NRG1: variants seen among roughly 807,000 people sequenced by gnomAD.
NRG1 encodes the protein neuregulin 1, also known as pro-neuregulin-1, membrane-bound isoform.
NRG1 carries 18 observed loss-of-function variants against 63.8 expected under a neutral mutation model. The ratio of observed to expected loss-of-function variants is 0.28; its 90% CI spans 0.19 to 0.42. The LOEUF is 0.42. Among genes scored for constraint, NRG1 ranks in the 10% least tolerant of loss-of-function variants. The probability of loss-of-function intolerance (pLI) is 1.00; values close to 1 mark genes in which losing one functional copy is unlikely to be tolerated. For missense variants in NRG1, 762 were observed against 814.7 expected, an observed-to-expected ratio of 0.94 and a Z score of 0.79; for synonymous variants, 302 against 301.3, an observed-to-expected ratio of 1.00 and a Z score of -0.02.
chr8:32,620,494 T>C (rs988789550), intron 5 of NRG1, among the ~76,000 whole-genome samples: 10 of 148,736 alleles, frequency 6.7e-5, no homozygotes, highest in Non-Finnish European at 1.5e-4. Context: ...TTCCCTTTTT[T>C]CCTCTTTAAC....
intron 1 of NRG1, among the ~76,000 whole-genome samples, chr8:32,371,255 C>G (rs1236662801): frequency 1.3e-5 from 2 of 152,152 alleles, no homozygotes; most frequent in African/African-American, 2.4e-5. Flanking sequence ...CTTTGTGGAA[C>G]AGGGAGATTA....
chr8:32,583,477 C>T (rs1227329301), intron 1 of NRG1, among the ~76,000 whole-genome samples: 2 of 152,082 alleles, frequency 1.3e-5, no homozygotes, highest in Non-Finnish European at 2.9e-5. Flanking sequence ...AATTCATGGA[C>T]TTATAAACTA....
chr8:32,573,432 A>G (rs1490666963), intron 1 of NRG1, among the ~76,000 whole-genome samples: 1 of 152,162 alleles, frequency 6.6e-6, no homozygotes, highest in Admixed American at 6.5e-5. Context: ...TATTTTGCTG[A>G]CCTCTGCTCT....
At chr8:32,064,979 G>T (rs1283650915) in intron 1 of NRG1, among the ~76,000 whole-genome samples, 1 of 152,094 alleles carries the variant, frequency 6.6e-6, no homozygotes, top group Non-Finnish European at 1.5e-5. Flanking sequence ...TAAACTTGAA[G>T]AAACCAATTA....
intron 1 of NRG1, among the ~76,000 whole-genome samples, chr8:32,472,360 G>A (rs1425828285): frequency 1.3e-5 from 2 of 152,152 alleles, no homozygotes; most frequent in East Asian, 3.9e-4. Context: ...AGTAGAGACA[G>A]GGTTTCAACA....
chr8:32,217,314 G>A (rs944848868), intron 1 of NRG1, among the ~76,000 whole-genome samples: 3 of 151,434 alleles, frequency 2.0e-5, no homozygotes, highest in Non-Finnish European at 4.4e-5. Context: ...AAAAGGGAGA[G>A]GTAAAAGCTC....
At chr8:32,486,464 A>G (rs1825918018) in intron 1 of NRG1, among the ~76,000 whole-genome samples, 1 of 152,142 alleles carries the variant, frequency 6.6e-6, no homozygotes, top group Non-Finnish European at 1.5e-5. Flanking sequence ...AGCCTTTGAT[A>G]ATAGAATATA....
intron 5 of NRG1, among the ~76,000 whole-genome samples, chr8:32,663,420 T>G (rs1490092012): frequency 6.6e-6 from 1 of 152,170 alleles, no homozygotes; most frequent in Non-Finnish European, 1.5e-5. Flanking sequence ...CATGTACAGA[T>G]GCTTCACATA....
chr8:31,927,804 G>A (rs1834508409), intron 1 of NRG1, among the ~76,000 whole-genome samples: 1 of 150,864 alleles, frequency 6.6e-6, no homozygotes, highest in African/African-American at 2.4e-5. Flanking sequence ...TTCAACCAAA[G>A]TTGAGGAATT....
intron 1 of NRG1, among the ~76,000 whole-genome samples, chr8:32,587,594 A>G (rs1841841878): frequency 6.6e-6 from 1 of 152,146 alleles, no homozygotes; most frequent in Admixed American, 6.6e-5. Flanking sequence ...GAGAAGATAG[A>G]TGGGGCCTCT....
At position 32,364,636 on chromosome 8, in the gene NRG1, T is replaced by C. The variant is rs956286337; in HGVS notation, c.38-231192T>C. On this transcript the variant is annotated intron_variant, in intron 1 of 10. Coordinates refer to the NRG1 transcript ENST00000519301. The stretch of plus-strand genomic sequence containing the variant: ...CAAATAATAATGTGATAAACATCCT[T>C]GTACTTGTGAGATTTCTTTTCCTAT... Among the ~76,000 whole-genome samples the C allele has an allele frequency of 2.0e-5, 3 of 152,316 alleles. No homozygotes were observed. In the East Asian group the frequency reaches 5.8e-4, roughly 29 times the overall value.
intron 1 of NRG1, among the ~76,000 whole-genome samples, chr8:32,328,379 GAAT>G (rs1802256647): frequency 6.6e-6 from 1 of 151,138 alleles, no homozygotes; most frequent in African/African-American, 2.4e-5. Context: ...CATTTAAAAA[GAAT>G]AATAGTATAA....
intron 5 of NRG1, among the ~76,000 whole-genome samples, chr8:32,628,739 T>A: frequency 6.6e-6 from 1 of 151,604 alleles, no homozygotes; most frequent in East Asian, 1.9e-4. Context: ...TGCCCTTTTT[T>A]TTTTTTTTTT....
At chr8:32,720,258 T>A (rs904652116) in intron 5 of NRG1, among the ~76,000 whole-genome samples, 1 of 152,168 alleles carries the variant, frequency 6.6e-6, no homozygotes, top group African/African-American at 2.4e-5. Flanking sequence ...GTTTGGAAAG[T>A]GACAGGTTAA....
intron 1 of NRG1, among the ~76,000 whole-genome samples, chr8:31,843,337 C>G (rs941070077): frequency 6.6e-6 from 1 of 152,156 alleles, no homozygotes; most frequent in Non-Finnish European, 1.5e-5. Flanking sequence ...GTGGTTTGCT[C>G]TTTCTCTTCC....
intron 1 of NRG1, among the ~76,000 whole-genome samples, chr8:32,398,627 T>TCTTG (rs1304997147): frequency 6.6e-6 from 1 of 152,094 alleles, no homozygotes; most frequent in Non-Finnish European, 1.5e-5. Flanking sequence ...GTCAGGCTGG[T>TCTTG]CTTGAACCCC....
At chr8:31,848,595 T>A (rs1826911137) in intron 1 of NRG1, among the ~76,000 whole-genome samples, 1 of 152,182 alleles carries the variant, frequency 6.6e-6, no homozygotes, top group Admixed American at 6.5e-5. Context: ...GCTTCTTCTG[T>A]ACCTACAGCC....
intron 1 of NRG1, among the ~76,000 whole-genome samples, chr8:32,251,089 G>T (rs1326929985): frequency 6.6e-6 from 1 of 151,634 alleles, no homozygotes; most frequent in East Asian, 1.9e-4. Context: ...TAAAGTTCTG[G>T]GATACATGTG....
chr8:32,344,628 T>C (rs1804643218), intron 1 of NRG1, among the ~76,000 whole-genome samples: 2 of 67,750 alleles, frequency 3.0e-5, no homozygotes, highest in Non-Finnish European at 6.5e-5. Context: ...TTTTTTTTTG[T>C]ATTTTTAGTA....
Sources: allele counts gnomAD v4.1 joint callset (sites outside exome capture counted in the v4.1 genomes callset), GRCh38; gene constraint gnomAD v4.1.1; transcripts MANE v1.5; gene names NCBI Gene and HGNC (gene_info 2026-07-23, HGNC 2026-07-21).